The following NOL4L variants were observed in gnomAD, a reference collection of about 807,000 sequenced individuals.
NOL4L encodes nucleolar protein 4-like.
In NOL4L, 7 loss-of-function variants were observed where a neutral mutation model predicts 64.5. The ratio of observed to expected loss-of-function variants is 0.11; its 90% confidence interval spans 0.06 to 0.20. The LOEUF is 0.20. NOL4L is among the 10% of genes least tolerant of loss of function. The probability of loss-of-function intolerance (pLI) is 1.00; values close to 1 mark genes in which losing one functional copy is unlikely to be tolerated. For synonymous variants in NOL4L, 413 were observed against 401.0 expected (o/e 1.03, Z -0.36); for missense variants, 680 against 967.1 (o/e 0.70, Z 3.94).
intron 4 of NOL4L, among the ~76,000 whole-genome samples, chr20:32,485,057 C>CAAAAAAAAAAAAAAAAAAA (rs2015999293): frequency 5.4e-5 from 1 of 18,454 alleles, no homozygotes; most frequent in African/African-American, 4.0e-4. Flanking sequence ...GGGGAAATTG[C>CAAAAAAAAAAAAAAAAAAA]CAAAAAAAAA....
chr20:32,516,137 G>C (rs1029379956), intron 3 of NOL4L, among the ~76,000 whole-genome samples: 1 of 152,174 alleles, frequency 6.6e-6, no homozygotes, highest in Non-Finnish European at 1.5e-5. Context: ...CCAGAGACAG[G>C]TATGAAAGAT....
rs2012315446 is a variant in NOL4L at position 32,446,046 on chromosome 20, C to G, written c.*1550G>C. 1 of 152,252 alleles carries G rather than the reference C, an allele frequency of 6.6e-6. No individual in the cohort carries two copies. Among genetic ancestry groups the G allele is most frequent in the Non-Finnish European group, 1.5e-5 (1 of 68,120 alleles). 9.4% of individuals were successfully genotyped at this position (152,252 alleles called of 1,614,324 possible). On this transcript the variant is annotated 3_prime_UTR_variant, in exon 11 of 11. Transcript: ENST00000621426. ...CGGCCCTGGCTCCCCTGGGGCCTCT[C>G]TGCTCTGAGGGAGGAAAGGCAACAG...
chr20:32,533,942 C>T lies in NOL4L; in HGVS notation c.322-6029G>A, dbSNP rs145287621. 9.8e-5 allele frequency among the ~76,000 whole-genome samples: 15 copies of T among 152,296 alleles called. No individual in the cohort carries two copies. In the East Asian group the frequency reaches 2.7e-3, roughly 27 times the overall value. On this transcript the variant is annotated intron_variant, in intron 1 of 10. Coordinates refer to ENST00000621426, the MANE Select transcript of NOL4L (RefSeq NM_001256798.2). Reference sequence around the variant, plus strand: ...AATCTTGCCTGTCTCCCCACATGAGCCAATTAAATGGACCCCTGCCCCTGA... The same window carrying T: ...AATCTTGCCTGTCTCCCCACATGAGTCAATTAAATGGACCCCTGCCCCTGA...
chr20:32,522,770 G>C (rs1051300412), intron 2 of NOL4L, among the ~76,000 whole-genome samples: 12 of 152,334 alleles, frequency 7.9e-5, no homozygotes, highest in African/African-American at 2.9e-4. Flanking sequence ...TGGCTGACTT[G>C]GGCCGACAGA....
At chr20:32,470,559 A>G (rs4911234) in intron 5 of NOL4L, among the ~76,000 whole-genome samples, 55,938 of 152,170 alleles carry the variant, frequency 0.37, 11,397 homozygotes, top group East Asian at 0.84. Flanking sequence ...GTTCAGCCCC[A>G]AGGCAACGCC....
intron 10 of NOL4L, chr20:32,451,577 G>A (rs1366715232): frequency 6.6e-6 from 1 of 152,318 alleles, no homozygotes; most frequent in East Asian, 1.9e-4. Context: ...GAGTAGCCTG[G>A]GGAGTTACCG....
At chr20:32,550,516 C>A (rs755276754) in intron 1 of NOL4L, among the ~76,000 whole-genome samples, 7 of 152,084 alleles carry the variant, frequency 4.6e-5, no homozygotes, top group East Asian at 1.9e-4. Context: ...GAGGGCGAGG[C>A]GAGCTGATCA....
chr20:32,464,020 G>A lies in NOL4L; in HGVS notation c.842-7625C>T, dbSNP rs558070814. 2.6e-5 allele frequency among the ~76,000 whole-genome samples: 4 copies of A among 152,268 alleles called. No individual in the cohort carries two copies. The highest frequency in any genetic ancestry group is 6.5e-5 in the Admixed American group (1 of 15,306). On this transcript the variant is annotated intron_variant, in intron 5 of 10. Coordinates refer to ENST00000621426, the MANE Select transcript of NOL4L (RefSeq NM_001256798.2). The surrounding 1 kb of genome is among the most constrained non-coding windows in gnomAD (Gnocchi z 5.6). Reference sequence around the variant, plus strand: ...GACTCTGTCACAGCAGCAGCCAGGCGGGGGATGGGAGGGGCATCAATAATT... The same window carrying A: ...GACTCTGTCACAGCAGCAGCCAGGCAGGGGATGGGAGGGGCATCAATAATT...
rs548944552 is a variant in NOL4L, at chr20:32,517,570, G to A, written c.589+3241C>T. Among the ~76,000 whole-genome samples the A allele has an allele frequency of 4.6e-5, 7 of 152,328 alleles. No individual in the cohort carries two copies. In the South Asian group the frequency reaches 1.4e-3, roughly 32 times the overall value. ...CCTTTCAGACTCAAAACTCTCCACT[G>A]GCAGCTTCCAGAAACCAGGCCTTTC... On this transcript the variant is annotated intron_variant, in intron 3 of 10. Transcript: ENST00000621426.
chr20:32,484,914 C>T (rs1029272903), intron 4 of NOL4L, among the ~76,000 whole-genome samples: 3 of 151,708 alleles, frequency 2.0e-5, no homozygotes, highest in African/African-American at 7.3e-5. Context: ...AATTAGACCC[C>T]GATGGAGAAA....
intron 4 of NOL4L, among the ~76,000 whole-genome samples, chr20:32,489,982 A>G (rs1202693586): frequency 6.6e-6 from 1 of 151,064 alleles, no homozygotes; most frequent in African/African-American, 2.4e-5. Flanking sequence ...TACAAAAATT[A>G]GCTGGGCGTG....
chr20:32,584,878 T>C lies in NOL4L; in HGVS notation c.13A>G (p.Thr5Ala). The change falls in exon 1 of 11, where the codon ACG becomes GCG. Residue 5 changes from threonine to alanine, a missense_variant. Thr to Ala is a moderately conservative substitution (Grantham distance 58). Around this residue, in one of 4 missense-constraint regions of NOL4L, gnomAD observed 181 missense variants for 335.2 expected, o/e 0.54. Transcript: ENST00000621426. MPKP[T>A]LLLRGGWERE... ...TCCCAGCCCCCGCGCAGCAGCAGCG[T>C]CGGCTTCGGCATCCTCCCGCCGCGC... 1 of 1,320,126 alleles carries C rather than the reference T, an allele frequency of 7.6e-7. No individual in the cohort carries two copies. The highest frequency in any genetic ancestry group is 9.7e-7 in the Non-Finnish European group (1 of 1,029,750). 81.8% of individuals were successfully genotyped at this position (1,320,126 alleles called of 1,614,324 possible).
rs1451415348 is a variant in NOL4L, at chr20:32,447,506, A to C, written c.*90T>G. On this transcript the variant is annotated 3_prime_UTR_variant, in exon 11 of 11. Coordinates refer to ENST00000621426, the MANE Select transcript of NOL4L (RefSeq NM_001256798.2). The stretch of plus-strand genomic sequence containing the variant: ...CTTTTGGATCCCACCTCTTTCAAAA[A>C]CAAAATGTACCAACTGGTGAGGCAG... 6.7e-6 allele frequency: 10 copies of C among 1,500,078 alleles called. No homozygotes were observed. The highest frequency in any genetic ancestry group is 8.8e-6 in the Non-Finnish European group (10 of 1,134,878). 92.9% of individuals were successfully genotyped at this position (1,500,078 alleles called of 1,614,324 possible).
At chr20:32,488,720 T>TTTTC (rs1163248303) in intron 4 of NOL4L, among the ~76,000 whole-genome samples, 10 of 151,948 alleles carry the variant, frequency 6.6e-5, no homozygotes, top group South Asian at 4.2e-4. Context: ...TTGTATTTCT[T>TTTTC]TTTCTTTCTT....
At chr20:32,566,723 T>TC (rs1307409818) in intron 1 of NOL4L, among the ~76,000 whole-genome samples, 1 of 152,178 alleles carries the variant, frequency 6.6e-6, no homozygotes, top group Non-Finnish European at 1.5e-5. Context: ...ACTGAGGCCC[T>TC]CCCTGACACC....
At chr20:32,490,140 A>T (rs1222755047) in intron 4 of NOL4L, among the ~76,000 whole-genome samples, 11 of 144,428 alleles carry the variant, frequency 7.6e-5, no homozygotes, top group African/African-American at 2.7e-4. Flanking sequence ...AAAAAAAAAA[A>T]AAAAATATAT....
At chr20:32,515,980 G>C (rs1190121413) in intron 3 of NOL4L, among the ~76,000 whole-genome samples, 1 of 152,228 alleles carries the variant, frequency 6.6e-6, no homozygotes, top group African/African-American at 2.4e-5. Context: ...GGCCAAGCCA[G>C]GTTGTTTGCT....
At chr20:32,583,176 G>A (rs2145629796) in intron 1 of NOL4L, among the ~76,000 whole-genome samples, 1 of 151,694 alleles carries the variant, frequency 6.6e-6, no homozygotes, top group East Asian at 2.0e-4. Flanking sequence ...TCGCAGATGG[G>A]CCGCCCGCCC....
At chr20:32,480,785 G>A (rs1056008528) in intron 4 of NOL4L, among the ~76,000 whole-genome samples, 4 of 152,178 alleles carry the variant, frequency 2.6e-5, no homozygotes, top group Admixed American at 1.3e-4. Context: ...TGAAGGAGCC[G>A]CACACATGAA....
Sources: allele counts gnomAD v4.1 joint callset (sites outside exome capture counted in the v4.1 genomes callset), GRCh38; gene constraint gnomAD v4.1.1; regional missense constraint gnomAD v4.1.1; non-coding constraint Gnocchi (gnomAD v3.1); transcripts MANE v1.5; gene names NCBI Gene and HGNC (gene_info 2026-07-23, HGNC 2026-07-21).